The following CYP7B1 variants were observed in gnomAD, a reference collection of about 807,000 sequenced individuals.
CYP7B1 encodes cytochrome P450 7B1.
Under a neutral mutation model 42.7 loss-of-function variants are expected in CYP7B1, and 29 were observed. That is an observed-to-expected ratio of 0.68 (90% CI 0.51 to 0.93). CYP7B1 has a LOEUF of 0.93. Among genes scored for constraint, CYP7B1 ranks in the 40% least tolerant of loss-of-function variants. CYP7B1 has a pLI of 0.00. For synonymous variants in CYP7B1, 235 were observed against 218.2 expected (o/e 1.08, Z -0.68); for missense variants, 655 against 600.5 (o/e 1.09, Z -0.95).
At chr8:64,696,327 CA>C (rs1278526842) in intron 1 of CYP7B1, among the ~76,000 whole-genome samples, 9 of 152,096 alleles carry the variant, frequency 5.9e-5, no homozygotes, top group Admixed American at 5.9e-4. Flanking sequence ...TTTTGGAAAT[CA>C]AACATTTAGC....
chr8:64,702,184 G>T (rs2884074), intron 1 of CYP7B1, among the ~76,000 whole-genome samples: 46,179 of 151,730 alleles, frequency 0.3, 8,038 homozygotes, highest in African/African-American at 0.48. Context: ...GCCCATTATA[G>T]AACTATACTA....
chr8:64,651,904 T>C (rs1806044979), intron 1 of CYP7B1, among the ~76,000 whole-genome samples: 1 of 152,230 alleles, frequency 6.6e-6, no homozygotes, highest in African/African-American at 2.4e-5. Flanking sequence ...CTCCCTTTTC[T>C]GCAAAGCAGA....
rs1042747077 is a variant in CYP7B1, at chr8:64,593,994, AT to A, written c.*2647del. ...CTGGAGACTGACACTCTGACTCAAAATCAACCTTGGAGACCCTACAGAATGG... is the reference window on the plus strand; with the variant it reads ...CTGGAGACTGACACTCTGACTCAAAACAACCTTGGAGACCCTACAGAATGG... On this transcript the variant is annotated 3_prime_UTR_variant, in exon 6 of 6. Coordinates refer to ENST00000310193, the MANE Select transcript of CYP7B1 (RefSeq NM_004820.5). Among the ~76,000 whole-genome samples, 8 of 152,202 alleles carry A rather than the reference AT, an allele frequency of 5.3e-5. No individual in the cohort carries two copies. Among genetic ancestry groups the A allele is most frequent in the Non-Finnish European group, 1.0e-4 (7 of 68,036 alleles).
intron 1 of CYP7B1, among the ~76,000 whole-genome samples, chr8:64,768,043 G>A (rs149196751): frequency 0.011 from 1,621 of 152,264 alleles, 15 homozygotes; most frequent in Non-Finnish European, 0.018. Flanking sequence ...CTAAGTGATG[G>A]GACTAGCTGG....
chr8:64,787,676 G>A (rs1362762888), intron 1 of CYP7B1, among the ~76,000 whole-genome samples: 3 of 152,074 alleles, frequency 2.0e-5, no homozygotes, highest in Non-Finnish European at 2.9e-5. Context: ...CTGTTACCCA[G>A]TTCCAAAGTT....
chr8:64,747,626 T>C (rs1277467397), intron 1 of CYP7B1, among the ~76,000 whole-genome samples: 1 of 151,776 alleles, frequency 6.6e-6, no homozygotes, highest in Non-Finnish European at 1.5e-5. Flanking sequence ...AGAAAATCCA[T>C]GTATAAGTGG....
intron 1 of CYP7B1, among the ~76,000 whole-genome samples, chr8:64,723,460 G>A (rs564318001): frequency 6.6e-6 from 1 of 152,314 alleles, no homozygotes; most frequent in African/African-American, 2.4e-5. Context: ...AAGTTCAGCA[G>A]GGAAATTCAC....
At position 64,593,059 on chromosome 8, in the gene CYP7B1, G is replaced by A. The variant is rs1053098933; in HGVS notation, c.*3583C>T. ...CACATTTCCAGTTATAAAATAAGCC[G>A]AAATTGGAATGGAATAATTTCCTGT... is the stretch of plus-strand genomic sequence containing the variant. On this transcript the variant is annotated 3_prime_UTR_variant, in exon 6 of 6. Coordinates refer to ENST00000310193, the MANE Select transcript of CYP7B1 (RefSeq NM_004820.5). 2.6e-5 allele frequency among the ~76,000 whole-genome samples: 4 copies of A among 151,968 alleles called. No individual in the cohort carries two copies. The highest frequency in any genetic ancestry group is 1.9e-4 in the East Asian group (1 of 5,178).
chr8:64,690,601 T>G (rs1025144665), intron 1 of CYP7B1, among the ~76,000 whole-genome samples: 2 of 152,208 alleles, frequency 1.3e-5, no homozygotes, highest in African/African-American at 2.4e-5. Flanking sequence ...CAAAAACTTA[T>G]GTATTATTCT....
intron 2 of CYP7B1, among the ~76,000 whole-genome samples, chr8:64,621,864 T>C (rs1348303928): frequency 6.6e-6 from 1 of 151,770 alleles, no homozygotes; most frequent in Non-Finnish European, 1.5e-5. Context: ...GCCTCCCAAG[T>C]AGCTGGGACT....
At chr8:64,619,722 G>T (rs1174647722) in intron 2 of CYP7B1, among the ~76,000 whole-genome samples, 1 of 152,016 alleles carries the variant, frequency 6.6e-6, no homozygotes, top group South Asian at 2.1e-4. Flanking sequence ...TAATTCTTTA[G>T]GAAGGTAAAG....
At chr8:64,691,949 T>C (rs1211176262) in intron 1 of CYP7B1, among the ~76,000 whole-genome samples, 3 of 152,198 alleles carry the variant, frequency 2.0e-5, no homozygotes, top group Non-Finnish European at 2.9e-5. Flanking sequence ...TTTCTGGAAG[T>C]TGCAGAGTAT....
At chr8:64,653,817 C>A (rs1340149604) in intron 1 of CYP7B1, among the ~76,000 whole-genome samples, 1 of 152,212 alleles carries the variant, frequency 6.6e-6, no homozygotes, top group Non-Finnish European at 1.5e-5. Flanking sequence ...AAGTGGTCTT[C>A]ATCCCCAGGA....
In CYP7B1 at chr8:64,596,900, A is replaced by C. The variant is rs181578063; in HGVS notation, c.1263T>G (p.Asp421Glu). The C allele has an allele frequency of 6.2e-7, 1 of 1,612,668 alleles. No individual in the cohort carries two copies. Among genetic ancestry groups the C allele is most frequent in the East Asian group, 2.2e-5 (1 of 44,850 alleles). The change falls in exon 6 of 6, where the codon GAT (aspartate) becomes GAG (glutamate). Residue 421 changes from aspartate (D) to glutamate (E), a missense_variant. Transcript: ENST00000310193. Reference protein sequence around the residue: ...EEFRYDRFIEDGKKKTTFFKR... With the variant: ...EEFRYDRFIEEGKKKTTFFKR... ...TGAAAAAGGTGGTTTTCTTCTTACC[A>C]TCTTCTATAAAACGATCATATCTAA... is the stretch of plus-strand genomic sequence containing the variant.
chr8:64,781,550 T>C (rs1804424312), intron 1 of CYP7B1, among the ~76,000 whole-genome samples: 1 of 152,066 alleles, frequency 6.6e-6, no homozygotes, highest in Non-Finnish European at 1.5e-5. Flanking sequence ...AAATACTTCA[T>C]CCACCATCCA....
chr8:64,691,053 G>A (rs1312931936), intron 1 of CYP7B1, among the ~76,000 whole-genome samples: 1 of 152,148 alleles, frequency 6.6e-6, no homozygotes, highest in African/African-American at 2.4e-5. Context: ...CCAGGGCTCG[G>A]GGAGGAGGTG....
At chr8:64,719,439 A>C (rs927546937) in intron 1 of CYP7B1, among the ~76,000 whole-genome samples, 1 of 152,238 alleles carries the variant, frequency 6.6e-6, no homozygotes, top group Admixed American at 6.5e-5. Context: ...AAATTTTAAA[A>C]GCGAAACTGA....
intron 1 of CYP7B1, among the ~76,000 whole-genome samples, chr8:64,660,045 A>T (rs920981384): frequency 3.9e-5 from 6 of 152,222 alleles, no homozygotes; most frequent in African/African-American, 1.4e-4. Context: ...TTCATTGAGT[A>T]CTTGTTTATG....
intron 1 of CYP7B1, among the ~76,000 whole-genome samples, chr8:64,734,766 C>T (rs903905202): frequency 6.6e-6 from 1 of 152,156 alleles, no homozygotes; most frequent in African/African-American, 2.4e-5. Flanking sequence ...GGTAAAGACA[C>T]CCCTTTATTT....
Sources: allele counts gnomAD v4.1 joint callset (sites outside exome capture counted in the v4.1 genomes callset), GRCh38; gene constraint gnomAD v4.1.1; transcripts MANE v1.5; gene names NCBI Gene and HGNC (gene_info 2026-07-23, HGNC 2026-07-21).